PIWIL4: variants seen among roughly 807,000 people sequenced by gnomAD.
PIWIL4 encodes piwi-like protein 4.
In PIWIL4, 50 loss-of-function variants were observed where a neutral mutation model predicts 100.9. The ratio of observed to expected loss-of-function variants is 0.50; its 90% CI spans 0.39 to 0.63. PIWIL4 has a LOEUF of 0.63. PIWIL4 is among the 20% of genes least tolerant of loss of function. The probability of loss-of-function intolerance (pLI) is 0.00; values close to 1 mark genes in which losing one functional copy is unlikely to be tolerated. For synonymous variants in PIWIL4, 342 were observed against 367.5 expected (o/e 0.93, Z 0.79); for missense variants, 887 against 1,043.3 (o/e 0.85, Z 2.06).
intron 2 of PIWIL4, among the ~76,000 whole-genome samples, chr11:94,570,685 G>A (rs968499974): frequency 6.6e-6 from 1 of 152,130 alleles, no homozygotes; most frequent in Non-Finnish European, 1.5e-5. Flanking sequence ...GAGGTCAGGA[G>A]TTCGAGACCA....
chr11:94,607,995 T>C (rs998716011), intron 14 of PIWIL4, among the ~76,000 whole-genome samples: 5 of 152,142 alleles, frequency 3.3e-5, no homozygotes, highest in African/African-American at 7.2e-5. Context: ...GGAGCTGGCA[T>C]AGCCTATGAC....
chr11:94,609,730 T>C (rs912280361), intron 15 of PIWIL4, among the ~76,000 whole-genome samples: 18 of 152,172 alleles, frequency 1.2e-4, no homozygotes, highest in African/African-American at 4.3e-4. Context: ...AAATTTATTA[T>C]AATTTTTATC....
chr11:94,589,589 TCTTCCCATTCCCCTGCTCC>T (rs2135263768), intron 8 of PIWIL4, among the ~76,000 whole-genome samples: 1 of 152,294 alleles, frequency 6.6e-6, no homozygotes, highest in African/African-American at 2.4e-5. Context: ...AAGCCTCATC[TCTTCCCATTCCCCTGCTCC>T]CTTCCCTGGC....
intron 4 of PIWIL4, among the ~76,000 whole-genome samples, chr11:94,579,009 AT>A (rs1293181633): frequency 1.3e-5 from 2 of 152,208 alleles, no homozygotes; most frequent in African/African-American, 4.8e-5. Flanking sequence ...GTGGTCTGGT[AT>A]TTTTAAAATA....
chr11:94,619,397 G>A (rs186504090), intron 17 of PIWIL4, among the ~76,000 whole-genome samples: 81 of 152,260 alleles, frequency 5.3e-4, no homozygotes, highest in African/African-American at 1.7e-3. Flanking sequence ...GAGGAAGAGC[G>A]AAGGGGAAAA....
chr11:94,593,548 C>T lies in PIWIL4; in HGVS notation c.1057C>T (p.Gln353Ter). The change falls in exon 9 of 20, where the codon CAG (glutamine) becomes TAG (stop). Residue 353 changes from glutamine (Q) to a stop codon, truncating the protein, a stop_gained. Transcript: ENST00000299001. LOFTEE classifies it high-confidence loss of function. ...TGATATTACTGTATCGGACCTGAAT[C>T]AGCCCATGCTTGTTAGTCTGTTAAA... ...QYDITVSDLN[Q>*]PMLVSLLKKK... The T allele has an allele frequency of 6.2e-7, 1 of 1,613,774 alleles. No individual in the cohort carries two copies. Among genetic ancestry groups the T allele is most frequent in the Non-Finnish European group, 8.5e-7 (1 of 1,179,778 alleles).
At chr11:94,608,550 T>C in intron 14 of PIWIL4, 33 bp from the exon 15 acceptor site, 1 of 1,566,248 alleles carries the variant, frequency 6.4e-7, no homozygotes, top group Non-Finnish European at 8.8e-7. Flanking sequence ...TGATACCTCA[T>C]CCCATTAAAT....
At chr11:94,597,453 G>A (rs1591793833) in intron 10 of PIWIL4, among the ~76,000 whole-genome samples, 1 of 152,232 alleles carries the variant, frequency 6.6e-6, no homozygotes, top group East Asian at 1.9e-4. Flanking sequence ...ATCCTACGAA[G>A]TAGGTGCTTT....
intron 8 of PIWIL4, among the ~76,000 whole-genome samples, chr11:94,590,120 GCT>G (rs1250900875): frequency 6.6e-6 from 1 of 152,162 alleles, no homozygotes; most frequent in Non-Finnish European, 1.5e-5. Context: ...TTCAGGAAAA[GCT>G]CTTTTTCTCC....
chr11:94,597,839 G>T lies in PIWIL4; in HGVS notation c.1304G>T (p.Gly435Val). 1.2e-6 allele frequency: 2 copies of T among 1,614,034 alleles called. No homozygotes were observed. Among genetic ancestry groups the T allele is most frequent in the Non-Finnish European group, 1.7e-6 (2 of 1,179,946 alleles). Residue 435 changes from glycine (G) to valine (V), a missense_variant, in exon 11 of 20, where the codon GGA (glycine) becomes GTA (valine). Coordinates refer to ENST00000299001, the MANE Select transcript of PIWIL4 (RefSeq NM_152431.3). ...TNARFELETW[G>V]LHFGSQISLT... Reference sequence around the variant, plus strand: ...GCTCGCTTTGAACTAGAGACCTGGGGACTGCATTTTGGAAGCCAGATATCT... The same window carrying T: ...GCTCGCTTTGAACTAGAGACCTGGGTACTGCATTTTGGAAGCCAGATATCT...
intron 12 of PIWIL4, among the ~76,000 whole-genome samples, chr11:94,602,489 T>C (rs1000899933): frequency 6.6e-6 from 1 of 152,250 alleles, no homozygotes; most frequent in African/African-American, 2.4e-5. Flanking sequence ...AAGACTAAGG[T>C]CAACCATTTA....
chr11:94,616,477 T>A lies in PIWIL4; in HGVS notation c.1944-16T>A. 2 of 1,576,892 alleles carry A rather than the reference T, an allele frequency of 1.3e-6. No homozygotes were observed. Among genetic ancestry groups the A allele is most frequent in the South Asian group, 1.2e-5 (1 of 84,502 alleles). ...TTGAAGTTGAATTTTACTTTTATTTTTTTTTTTAACTTTAGGTGGTTTTCC... is the reference window on the plus strand; with the variant it reads ...TTGAAGTTGAATTTTACTTTTATTTATTTTTTTAACTTTAGGTGGTTTTCC... On this transcript the variant is annotated splice_polypyrimidine_tract_variant and intron_variant, in intron 15 of 19. Coordinates refer to ENST00000299001, the MANE Select transcript of PIWIL4 (RefSeq NM_152431.3).
At chr11:94,611,934 G>T (rs577301761) in intron 15 of PIWIL4, among the ~76,000 whole-genome samples, 1 of 136,128 alleles carries the variant, frequency 7.3e-6, no homozygotes, top group East Asian at 2.2e-4. Context: ...AAAACTAACA[G>T]ATTGATATAA....
intron 4 of PIWIL4, among the ~76,000 whole-genome samples, chr11:94,578,902 T>C (rs1336380759): frequency 1.8e-4 from 27 of 152,234 alleles, no homozygotes; most frequent in Admixed American, 1.8e-3. Flanking sequence ...AATGAGTGAA[T>C]CACTCCTTTC....
At chr11:94,591,004 A>C (rs1366214135) in intron 8 of PIWIL4, among the ~76,000 whole-genome samples, 2 of 151,952 alleles carry the variant, frequency 1.3e-5, no homozygotes, top group Admixed American at 1.3e-4. Context: ...GTGTAAAGGA[A>C]GTTTATCTGT....
rs772851522 is a variant in PIWIL4, at chr11:94,587,004, G to A, written c.717-46G>A. ...ATTTAAAAATCTTTATTGTGTTTCC[G>A]GTATAACATTGACAATATTCCTTTT... On this transcript the variant is annotated intron_variant, in intron 6 of 19. Transcript: ENST00000299001. 1.1e-5 allele frequency: 15 copies of A among 1,417,292 alleles called. No homozygotes were observed. In the East Asian group the frequency reaches 1.8e-4, roughly 17 times the overall value. The allele number at this position is 1,417,292 out of a possible 1,614,324, so 87.8% of individuals were successfully genotyped here. A position where few individuals can be genotyped will look rare whatever the true frequency, so the allele number is the denominator to read the frequency against.
rs1472141576 is a variant in PIWIL4 at position 94,601,976 on chromosome 11, A to G, written c.1562A>G (p.Lys521Arg). The change falls in exon 12 of 20, where the codon AAA (lysine) becomes AGA (arginine). Residue 521 changes from lysine to arginine, a missense_variant. This residue lies in a region of PIWIL4 where 741 missense variants were observed against 930.0 expected (regional missense o/e 0.80). Coordinates refer to ENST00000299001, the MANE Select transcript of PIWIL4 (RefSeq NM_152431.3). ...GSMGFNVDYP[K>R]IIKVQENPAA... ...ATGGGATTTAATGTGGACTACCCCA[A>G]AATGTGAGAATACATTGAATTTTGT... 5 of 1,602,588 alleles carry G rather than the reference A, an allele frequency of 3.1e-6. No homozygotes were observed. Among genetic ancestry groups the G allele is most frequent in the Middle Eastern group, 1.7e-4 (1 of 6,030 alleles).
chr11:94,581,314 T>G (rs773002133), intron 4 of PIWIL4, among the ~76,000 whole-genome samples: 6 of 152,168 alleles, frequency 3.9e-5, no homozygotes, highest in Non-Finnish European at 8.8e-5. Context: ...GGCAAGAATA[T>G]TTCTAGCAGG....
chr11:94,614,390 C>A (rs1948822655), intron 15 of PIWIL4, among the ~76,000 whole-genome samples: 1 of 149,562 alleles, frequency 6.7e-6, no homozygotes, highest in Non-Finnish European at 1.5e-5. Context: ...TCACTGAAAC[C>A]TCTGCCTCCC....
Sources: allele counts gnomAD v4.1 joint callset (sites outside exome capture counted in the v4.1 genomes callset), GRCh38; gene constraint gnomAD v4.1.1; regional missense constraint gnomAD v4.1.1; transcripts MANE v1.5; gene names NCBI Gene and HGNC (gene_info 2026-07-23, HGNC 2026-07-21).